The following CCDC192 variants were observed in gnomAD, a reference collection of about 807,000 sequenced individuals.
CCDC192 encodes coiled-coil domain containing 192, also known as coiled-coil domain-containing protein 192.
At chr5:127,837,870 C>T (rs1286781747) in intron 5 of CCDC192, among the ~76,000 whole-genome samples, 1 of 152,148 alleles carries the variant, frequency 6.6e-6, no homozygotes, top group Non-Finnish European at 1.5e-5. Context: ...CGCCTGTAGT[C>T]CCAGCTACTC....
intron 5 of CCDC192, among the ~76,000 whole-genome samples, chr5:127,857,442 T>C (rs1461756608): frequency 6.6e-6 from 1 of 152,222 alleles, no homozygotes; most frequent in Non-Finnish European, 1.5e-5. Flanking sequence ...GAATTAATAT[T>C]TCCTACCTGG....
chr5:127,919,245 T>C (rs931263979), intron 6 of CCDC192, among the ~76,000 whole-genome samples: 1 of 152,128 alleles, frequency 6.6e-6, no homozygotes, highest in African/African-American at 2.4e-5. Context: ...CTGGTTCCCA[T>C]GACTATCTCT....
chr5:127,758,171 G>C (rs1754719361), intron 3 of CCDC192, among the ~76,000 whole-genome samples: 1 of 152,140 alleles, frequency 6.6e-6, no homozygotes, highest in Non-Finnish European at 1.5e-5. Flanking sequence ...ACTCAGAATG[G>C]AAAGTATAGG....
chr5:127,861,233 C>A (rs1196420205), intron 5 of CCDC192, among the ~76,000 whole-genome samples: 1 of 151,820 alleles, frequency 6.6e-6, no homozygotes, highest in Admixed American at 6.6e-5. Context: ...GTTTTGAACT[C>A]CTGACCTCAG....
chr5:127,858,139 A>G (rs1751184037), intron 5 of CCDC192, among the ~76,000 whole-genome samples: 1 of 152,204 alleles, frequency 6.6e-6, no homozygotes, highest in Admixed American at 6.5e-5. Flanking sequence ...CATGCACTAA[A>G]TGTTAACCAC....
Position 127,797,254 on chromosome 5 carries a change from C to A in CCDC192, c.354+20C>A. On this transcript the variant is annotated intron_variant, in intron 4 of 6. Coordinates refer to ENST00000514853, the MANE Select transcript of CCDC192 (RefSeq NM_001317938.2). ...GACCAGGTATGTTGTAGAACAAAGT[C>A]ATCTTTATTTTAAAAGTTACCTAAT... The A allele has an allele frequency of 2.5e-6, 1 of 396,878 alleles. No individual in the cohort carries two copies. The highest frequency in any genetic ancestry group is 1.3e-4 in the South Asian group (1 of 7,766). The allele number at this position is 396,878 out of a possible 1,614,324, so 24.6% of individuals were successfully genotyped here. A position where few individuals can be genotyped will look rare whatever the true frequency, so the allele number is the denominator to read the frequency against.
intron 2 of CCDC192, among the ~76,000 whole-genome samples, chr5:127,733,671 C>T (rs962519337): frequency 6.6e-6 from 1 of 152,072 alleles, no homozygotes; most frequent in Non-Finnish European, 1.5e-5. Context: ...TGAGGACAAA[C>T]CTGTTACTGC....
chr5:127,786,385 T>C (rs1355285918), intron 3 of CCDC192: 2 of 631,602 alleles, frequency 3.2e-6, no homozygotes, highest in African/African-American at 3.6e-5. Flanking sequence ...ACTGTTAATG[T>C]AGGGCCCTTT....
chr5:127,894,966 C>T (rs1752836939), intron 6 of CCDC192, among the ~76,000 whole-genome samples: 1 of 152,182 alleles, frequency 6.6e-6, no homozygotes, highest in African/African-American at 2.4e-5. Flanking sequence ...TATAATCTGG[C>T]AACTCTGGGC....
chr5:127,938,849 A>G (rs1009861097), intron 6 of CCDC192, among the ~76,000 whole-genome samples: 5 of 152,306 alleles, frequency 3.3e-5, no homozygotes, highest in East Asian at 1.9e-4. Context: ...ATGAAAGGAA[A>G]GGTGAGACCC....
intron 2 of CCDC192, among the ~76,000 whole-genome samples, chr5:127,711,476 A>G (rs981808021): frequency 1.3e-5 from 2 of 152,214 alleles, no homozygotes; most frequent in Non-Finnish European, 2.9e-5. Flanking sequence ...AAGTTGGGGA[A>G]AGCAAGCAGT....
intron 6 of CCDC192, among the ~76,000 whole-genome samples, chr5:127,925,753 C>A (rs546375787): frequency 6.6e-6 from 1 of 152,190 alleles, no homozygotes; most frequent in African/African-American, 2.4e-5. Flanking sequence ...TATTGCTTCT[C>A]GTTCGCTTAA....
intron 5 of CCDC192, among the ~76,000 whole-genome samples, chr5:127,871,684 C>T (rs1180928004): frequency 6.6e-6 from 1 of 152,204 alleles, no homozygotes; most frequent in Non-Finnish European, 1.5e-5. Flanking sequence ...TTAAACAGTG[C>T]TGGCAACTTT....
intron 5 of CCDC192, among the ~76,000 whole-genome samples, chr5:127,842,519 A>C (rs1426955876): frequency 6.6e-6 from 1 of 152,186 alleles, no homozygotes; most frequent in East Asian, 1.9e-4. Flanking sequence ...TGCCCGGCCA[A>C]AATTCTTAAT....
intron 5 of CCDC192, among the ~76,000 whole-genome samples, chr5:127,808,881 G>GT (rs1207665085): frequency 2.0e-5 from 3 of 152,166 alleles, no homozygotes; most frequent in African/African-American, 7.2e-5. Flanking sequence ...TGAGAATGGA[G>GT]TAAGTGAGAG....
At chr5:127,781,946 C>T (rs570223214) in intron 3 of CCDC192, among the ~76,000 whole-genome samples, 41 of 152,260 alleles carry the variant, frequency 2.7e-4, no homozygotes, top group African/African-American at 9.4e-4. Flanking sequence ...CAACTTTTCA[C>T]CATTTAGTAT....
intron 5 of CCDC192, among the ~76,000 whole-genome samples, chr5:127,815,686 T>A (rs1396994722): frequency 6.6e-6 from 1 of 151,844 alleles, no homozygotes. Context: ...GGCTAACAAG[T>A]GAAATCCCGT....
At chr5:127,832,172 G>A (rs960237720) in intron 5 of CCDC192, among the ~76,000 whole-genome samples, 2 of 152,138 alleles carry the variant, frequency 1.3e-5, no homozygotes, top group African/African-American at 2.4e-5. Flanking sequence ...CCAGTATTCA[G>A]GAAAGCAGAA....
chr5:127,739,319 A>G (rs888801525), intron 2 of CCDC192, among the ~76,000 whole-genome samples: 1 of 152,150 alleles, frequency 6.6e-6, no homozygotes. Context: ...TGGGAGAACC[A>G]CTGCTCTCTT....
Sources: gnomAD v4.1 joint callset for allele counts (sites outside exome capture counted in the v4.1 genomes callset) on GRCh38, gnomAD v4.1.1 for gene constraint, MANE v1.5 for transcripts, NCBI Gene and HGNC (gene_info 2026-07-23, HGNC 2026-07-21) for gene names.